GRID2: variants seen among roughly 807,000 people sequenced by gnomAD.
GRID2 encodes the protein glutamate ionotropic receptor delta type subunit 2.
GRID2 carries 33 observed loss-of-function variants against 114.8 expected under a neutral mutation model. The observed-to-expected ratio is 0.29, with a 90% CI of 0.22 to 0.38. The LOEUF (loss-of-function observed/expected upper bound fraction) is 0.38. Among genes scored for constraint, GRID2 ranks in the 10% least tolerant of loss-of-function variants. GRID2 has a pLI of 1.00. For synonymous variants in GRID2, 505 were observed against 449.9 expected (o/e 1.12, Z -1.55); for missense variants, 1,184 against 1,257.7 (o/e 0.94, Z 0.89).
intron 2 of GRID2, among the ~76,000 whole-genome samples, chr4:92,873,673 A>T (rs746102115): frequency 1.6e-4 from 24 of 152,084 alleles, no homozygotes; most frequent in Admixed American, 4.6e-4. Flanking sequence ...GCTGAATTTG[A>T]TACTAGTTTA....
In GRID2 at chr4:92,582,156, A is replaced by T. The variant is rs190057651; in HGVS notation, c.89-7975A>T. On this transcript the variant is annotated intron_variant, in intron 1 of 15. Coordinates refer to ENST00000282020, the MANE Select transcript of GRID2 (RefSeq NM_001510.4). ...TGAATATTATAGACCTAAGTAAATTATCAATGTTCCTTAATATATAAAGTC... is the reference window on the plus strand; with the variant it reads ...TGAATATTATAGACCTAAGTAAATTTTCAATGTTCCTTAATATATAAAGTC... 6.8e-3 allele frequency among the ~76,000 whole-genome samples: 1,042 copies of T among 152,132 alleles called. 11 individuals carry two copies. The highest frequency in any genetic ancestry group is 0.022 in the African/African-American group (910 of 41,546).
intron 12 of GRID2, among the ~76,000 whole-genome samples, chr4:93,499,586 T>C (rs1727898787): frequency 6.6e-6 from 1 of 151,770 alleles, no homozygotes; most frequent in Non-Finnish European, 1.5e-5. Context: ...AAAACCCCCT[T>C]CTCTTCCGGT....
chr4:92,861,190 T>A (rs1744507240), intron 2 of GRID2, among the ~76,000 whole-genome samples: 1 of 152,012 alleles, frequency 6.6e-6, no homozygotes, highest in South Asian at 2.1e-4. Context: ...ATCACAAACT[T>A]AACAACTTAA....
intron 2 of GRID2, among the ~76,000 whole-genome samples, chr4:92,623,401 C>G (rs1055177554): frequency 6.6e-6 from 1 of 151,362 alleles, no homozygotes; most frequent in Admixed American, 6.6e-5. Flanking sequence ...AAAAATCACT[C>G]TCTGGACTGG....
At chr4:92,489,796 A>G (rs1284102091) in intron 1 of GRID2, among the ~76,000 whole-genome samples, 1 of 151,872 alleles carries the variant, frequency 6.6e-6, no homozygotes, top group African/African-American at 2.4e-5. Flanking sequence ...CAGTGAGCCA[A>G]GATTGTGCTA....
At position 93,424,963 on chromosome 4, in the gene GRID2, C is replaced by T. The variant is rs545028777; in HGVS notation, c.1545+1995C>T. On this transcript the variant is annotated intron_variant, in intron 10 of 15. Coordinates refer to ENST00000282020, the MANE Select transcript of GRID2 (RefSeq NM_001510.4). Reference sequence around the variant, plus strand: ...AATTTTTGTTAAGTCCTTTCAGTAGCTTTTTCATTCTAGATTGCTTATTTT... The same window carrying T: ...AATTTTTGTTAAGTCCTTTCAGTAGTTTTTTCATTCTAGATTGCTTATTTT... Among the ~76,000 whole-genome samples, 4 of 152,184 alleles carry T rather than the reference C, an allele frequency of 2.6e-5. No homozygotes were observed. In the South Asian group the frequency reaches 8.3e-4, roughly 32 times the overall value.
At chr4:93,112,374 C>A (rs981890763) in intron 4 of GRID2, 4 of 152,018 alleles carry the variant, frequency 2.6e-5, no homozygotes, top group African/African-American at 9.7e-5. Flanking sequence ...AGGGAGGGAC[C>A]TGGTGGGAGG....
intron 1 of GRID2, among the ~76,000 whole-genome samples, chr4:92,407,558 A>G (rs1731089910): frequency 6.6e-6 from 1 of 152,140 alleles, no homozygotes; most frequent in South Asian, 2.1e-4. Flanking sequence ...AAAAGTTTAT[A>G]AGCATTGTAT....
At chr4:92,593,974 A>G (rs932268895) in intron 2 of GRID2, among the ~76,000 whole-genome samples, 3 of 151,544 alleles carry the variant, frequency 2.0e-5, no homozygotes, top group Middle Eastern at 3.2e-3. Flanking sequence ...CTTGAGAATT[A>G]TAGGGGTGGA....
chr4:92,618,555 ATAAG>A, intron 2 of GRID2, among the ~76,000 whole-genome samples: 1 of 151,762 alleles, frequency 6.6e-6, no homozygotes, highest in Non-Finnish European at 1.5e-5. Context: ...AATGTCATGA[ATAAG>A]AGTTGCATTG....
At chr4:93,219,153 A>G (rs1000692861) in intron 6 of GRID2, among the ~76,000 whole-genome samples, 2 of 152,214 alleles carry the variant, frequency 1.3e-5, no homozygotes, top group African/African-American at 4.8e-5. Context: ...CTAAATAGAA[A>G]AAAAGGAAAG....
At chr4:92,506,485 G>A (rs959215889) in intron 1 of GRID2, among the ~76,000 whole-genome samples, 1 of 151,936 alleles carries the variant, frequency 6.6e-6, no homozygotes, top group African/African-American at 2.4e-5. Context: ...ATTGGCATGA[G>A]CAAAATAATC....
intron 12 of GRID2, among the ~76,000 whole-genome samples, chr4:93,496,595 G>T (rs111773822): frequency 1.8e-3 from 266 of 151,776 alleles, no homozygotes; most frequent in African/African-American, 5.9e-3. Context: ...TAAGTTTTGC[G>T]TTTCAAGAGT....
At chr4:93,321,701 A>G (rs1172873868) in intron 8 of GRID2, among the ~76,000 whole-genome samples, 1 of 151,600 alleles carries the variant, frequency 6.6e-6, no homozygotes, top group Non-Finnish European at 1.5e-5. Flanking sequence ...CTGGGATATT[A>G]TATTCTCTAG....
At chr4:92,617,128 A>G (rs1239187624) in intron 2 of GRID2, among the ~76,000 whole-genome samples, 1 of 151,272 alleles carries the variant, frequency 6.6e-6, no homozygotes, top group Non-Finnish European at 1.5e-5. Context: ...TATATATCCT[A>G]CAGTGCTATA....
intron 10 of GRID2, among the ~76,000 whole-genome samples, chr4:93,432,837 G>A (rs543271307): frequency 6.6e-6 from 1 of 152,208 alleles, no homozygotes; most frequent in East Asian, 1.9e-4. Context: ...CAAGATGGGA[G>A]GATCCCTTGA....
intron 2 of GRID2, among the ~76,000 whole-genome samples, chr4:92,746,329 G>T (rs1392327776): frequency 6.6e-6 from 1 of 152,052 alleles, no homozygotes; most frequent in Non-Finnish European, 1.5e-5. Context: ...TATATTTATT[G>T]TGACAGTTTT....
intron 2 of GRID2, among the ~76,000 whole-genome samples, chr4:92,972,759 C>G (rs1211232329): frequency 6.6e-6 from 1 of 152,050 alleles, no homozygotes; most frequent in Non-Finnish European, 1.5e-5. Flanking sequence ...CCTCCTCCCA[C>G]CTTCCACCCT....
chr4:93,393,942 C>T (rs1005952353), intron 8 of GRID2, among the ~76,000 whole-genome samples: 5 of 151,910 alleles, frequency 3.3e-5, no homozygotes, highest in African/African-American at 7.2e-5. Flanking sequence ...AAAAGCTATT[C>T]GTTAAGCTTA....
Sources: allele counts gnomAD v4.1 joint callset (sites outside exome capture counted in the v4.1 genomes callset), GRCh38; gene constraint gnomAD v4.1.1; transcripts MANE v1.5; gene names NCBI Gene and HGNC (gene_info 2026-07-23, HGNC 2026-07-21).